Variants in FGGY observed in about 807,000 individuals in gnomAD.
The protein encoded by FGGY is FGGY carbohydrate kinase domain-containing protein.
Under a neutral mutation model 71.3 loss-of-function variants are expected in FGGY, and 72 were observed. The observed-to-expected ratio is 1.01, with a 90% CI of 0.84 to 1.23. The LOEUF (loss-of-function observed/expected upper bound fraction) is 1.23, where lower values mean the gene tolerates loss of function less well. Among genes scored for constraint, FGGY ranks in the 50% most tolerant of loss-of-function variants. The pLI is 0.00. For synonymous variants in FGGY, 251 were observed against 250.3 expected, an observed-to-expected ratio of 1.00 and a Z score of -0.02; for missense variants, 668 against 682.3, an observed-to-expected ratio of 0.98 and a Z score of 0.23.
At chr1:59,421,800 C>G (rs2065482637) in intron 5 of FGGY, among the ~76,000 whole-genome samples, 1 of 147,196 alleles carries the variant, frequency 6.8e-6, no homozygotes, top group Non-Finnish European at 1.5e-5. Context: ...GGCTTGAGGT[C>G]TCATTTGACT....
At chr1:59,557,974 A>G (rs1006773126) in intron 8 of FGGY, among the ~76,000 whole-genome samples, 2 of 152,152 alleles carry the variant, frequency 1.3e-5, no homozygotes, top group East Asian at 1.9e-4. Flanking sequence ...TTCAGTCTTA[A>G]TATTGAGATA....
At chr1:59,381,628 CGTGTGTGT>C (rs113981398) in intron 5 of FGGY, among the ~76,000 whole-genome samples, 1,737 of 143,284 alleles carry the variant, frequency 0.012, 39 homozygotes, top group African/African-American at 0.038. Context: ...ATGTATAACT[CGTGTGTGT>C]GTGTGTGTGT....
At chr1:59,329,234 T>C (rs1041105694) in intron 2 of FGGY, among the ~76,000 whole-genome samples, 1 of 152,250 alleles carries the variant, frequency 6.6e-6, no homozygotes, top group Non-Finnish European at 1.5e-5. Context: ...GTCACATGAA[T>C]TTTTTGATTC....
At position 59,644,733 on chromosome 1, in the gene FGGY, T is replaced by G. The variant is rs536331341; in HGVS notation, c.1221+6358T>G. Among the ~76,000 whole-genome samples the G allele has an allele frequency of 7.9e-5, 12 of 151,888 alleles. 1 individual carries two copies. In the South Asian group the frequency reaches 2.3e-3, roughly 29 times the overall value. ...TGGCTCACGCCTGTAATCCCAGCAC[T>G]TTGGGAGGCCGAGGCGGGTGGATCA... On this transcript the variant is annotated intron_variant, in intron 11 of 15. Transcript: ENST00000303721.
At chr1:59,367,899 A>T (rs1187332604) in intron 4 of FGGY, among the ~76,000 whole-genome samples, 1 of 151,780 alleles carries the variant, frequency 6.6e-6, no homozygotes, top group Non-Finnish European at 1.5e-5. Flanking sequence ...TGAAGTAATA[A>T]TTTTTTCTTT....
chr1:59,580,012 T>C (rs2096160040), intron 8 of FGGY, among the ~76,000 whole-genome samples: 1 of 152,178 alleles, frequency 6.6e-6, no homozygotes, highest in East Asian at 1.9e-4. Flanking sequence ...GTACTTGCTC[T>C]TATCTCTCCA....
chr1:59,309,188 C>A (rs1570062396), intron 1 of FGGY, among the ~76,000 whole-genome samples: 1 of 152,178 alleles, frequency 6.6e-6, no homozygotes, highest in Middle Eastern at 3.4e-3. Flanking sequence ...GCCTGTTTCC[C>A]ACACTTTTGC....
intron 9 of FGGY, among the ~76,000 whole-genome samples, chr1:59,612,559 C>A (rs1441273643): frequency 6.6e-6 from 1 of 152,120 alleles, no homozygotes. Flanking sequence ...ATTGTAAAGA[C>A]CATCAAGGCT....
chr1:59,582,101 C>T (rs2096205375), intron 8 of FGGY, among the ~76,000 whole-genome samples: 1 of 148,974 alleles, frequency 6.7e-6, no homozygotes, highest in Admixed American at 6.6e-5. Context: ...GAAAAAAAAG[C>T]TGGATGTGGT....
At chr1:59,347,249 C>T (rs1161801441) in intron 4 of FGGY, among the ~76,000 whole-genome samples, 1 of 115,112 alleles carries the variant, frequency 8.7e-6, no homozygotes, top group East Asian at 3.0e-4. Context: ...CTCCCCCCTC[C>T]CCCCACCCCA....
intron 14 of FGGY, among the ~76,000 whole-genome samples, chr1:59,719,999 AG>A (rs1212852026): frequency 2.0e-5 from 3 of 152,218 alleles, no homozygotes; most frequent in African/African-American, 7.2e-5. Context: ...TTCTTGTTAA[AG>A]TCAAGGTCAG....
At chr1:59,464,581 A>T (rs2092485953) in intron 6 of FGGY, among the ~76,000 whole-genome samples, 1 of 152,168 alleles carries the variant, frequency 6.6e-6, no homozygotes, top group Non-Finnish European at 1.5e-5. Context: ...TGAATCTAGG[A>T]GCTGGTTTTT....
intron 14 of FGGY, among the ~76,000 whole-genome samples, chr1:59,738,629 A>T (rs1330416195): frequency 6.6e-6 from 1 of 152,232 alleles, no homozygotes; most frequent in Non-Finnish European, 1.5e-5. Context: ...ATGTCAGAAG[A>T]AACTGGTTAT....
chr1:59,627,489 T>TATATATATATACACACAC (rs1469493501), intron 10 of FGGY, among the ~76,000 whole-genome samples: 1 of 92,802 alleles, frequency 1.1e-5, no homozygotes, highest in South Asian at 3.8e-4. Context: ...TATATATATA[T>TATATATATATACACACAC]ACACACACAC....
chr1:59,532,581 C>T (rs1328756613), intron 7 of FGGY, among the ~76,000 whole-genome samples: 1 of 152,052 alleles, frequency 6.6e-6, no homozygotes, highest in East Asian at 1.9e-4. Flanking sequence ...CAGTTGTTTA[C>T]AAATGCTTTT....
At position 59,440,926 on chromosome 1, in the gene FGGY, C is replaced by T. The variant is rs149084854; in HGVS notation, c.555-16035C>T. ...TCTTGAGTTTGTTTCAGCCAGAGAA[C>T]GGACAAACAAGGGAAAACTTAAGTA... On this transcript the variant is annotated intron_variant, in intron 5 of 15. Coordinates refer to ENST00000303721, the MANE Select transcript of FGGY (RefSeq NM_018291.5). 4.7e-3 allele frequency among the ~76,000 whole-genome samples: 712 copies of T among 151,816 alleles called. 3 individuals carry two copies. The highest frequency in any genetic ancestry group is 0.016 in the African/African-American group (670 of 41,356).
Position 59,374,034 on chromosome 1 carries a change from A to G in FGGY, c.466-4715A>G, listed in dbSNP as rs576917025. Among the ~76,000 whole-genome samples the G allele has an allele frequency of 3.4e-4, 52 of 152,364 alleles. No homozygotes were observed. In the South Asian group the frequency reaches 9.1e-3, roughly 27 times the overall value. On this transcript the variant is annotated intron_variant, in intron 4 of 15. Transcript: ENST00000303721. Reference sequence around the variant, plus strand: ...TAAAACACCAAAAGCAATGGCAACAAAAGCCAGAATTGACAAATGGGATCT... The same window carrying G: ...TAAAACACCAAAAGCAATGGCAACAGAAGCCAGAATTGACAAATGGGATCT...
intron 5 of FGGY, among the ~76,000 whole-genome samples, chr1:59,380,514 T>A (rs1448233490): frequency 6.6e-6 from 1 of 151,584 alleles, no homozygotes; most frequent in Non-Finnish European, 1.5e-5. Flanking sequence ...GATATCTCAT[T>A]GTGGTTTTGA....
intron 5 of FGGY, among the ~76,000 whole-genome samples, chr1:59,403,865 T>G (rs1340203464): frequency 1.3e-5 from 2 of 152,230 alleles, no homozygotes; most frequent in African/African-American, 2.4e-5. Context: ...GTACCTTAAC[T>G]TTCTGTTTCT....
Sources: gnomAD v4.1 joint callset for allele counts (sites outside exome capture counted in the v4.1 genomes callset) on GRCh38, gnomAD v4.1.1 for gene constraint, MANE v1.5 for transcripts, NCBI Gene and HGNC (gene_info 2026-07-23, HGNC 2026-07-21) for gene names.